Variants in H4C12 observed in about 807,000 individuals in gnomAD.
The protein encoded by H4C12 is H4 clustered histone 12.
A neutral mutation model predicts 4.2 loss-of-function variants in H4C12; 3 were observed. The observed-to-expected ratio is 0.72, with a 90% confidence interval of 0.33 to 1.86. The LOEUF is 1.86. Ranked by LOEUF, H4C12 falls within the 40% of genes most tolerant of loss-of-function variation. H4C12 has a pLI of 0.08. For synonymous variants in H4C12, 71 were observed against 65.0 expected (o/e 1.09, Z -0.44); for missense variants, 81 against 154.6 (o/e 0.52, Z 2.52).
rs759052091 is a variant in H4C12, at chr6:27,831,192, C to A, written c.*24G>T. On this transcript the variant is annotated 3_prime_UTR_variant, in exon 1 of 1. Coordinates refer to ENST00000611927, the MANE Select transcript of H4C12 (RefSeq NM_003541.3). ...GAGAAAGTGGGGGCCCTAAAAAGGG[C>A]CTTTTGTTGATAGAAAGGGACGCTC... 8 of 1,604,154 alleles carry A rather than the reference C, an allele frequency of 5.0e-6. No individual in the cohort carries two copies. Among genetic ancestry groups the A allele is most frequent in the African/African-American group, 4.0e-5 (3 of 74,338 alleles).
rs767991401 is a variant in H4C12, at chr6:27,831,441, G to A, written c.87C>T (p.Gly29=). ...GGCGCCGGATGGCCGGCTTGGTGAT[G>A]CCCTGGATATTGTCGCGCAGTACTT... ...HRKVLRDNIQ[G]ITKPAIRRLA... The change falls in exon 1 of 1, where the codon GGC becomes GGT. Residue 29 remains glycine (G), a synonymous_variant. Coordinates refer to ENST00000611927, the MANE Select transcript of H4C12 (RefSeq NM_003541.3). 1.6e-5 allele frequency: 25 copies of A among 1,563,806 alleles called. No homozygotes were observed. The highest frequency in any genetic ancestry group is 3.6e-5 in the South Asian group (3 of 83,908).
rs1049315447 is a variant in H4C12, at chr6:27,831,222, A to C, written c.306T>G (p.Gly102=). ...KRQGRTLYGF[G]G ...TGTTGATAGAAAGGGACGCTCAACC[A>C]CCGAAACCGTAGAGGGTGCGGCCCT... is the stretch of plus-strand genomic sequence containing the variant. The change falls in exon 1 of 1, where the codon GGT becomes GGG. Residue 102 remains glycine, a synonymous_variant. Coordinates refer to ENST00000611927, the MANE Select transcript of H4C12 (RefSeq NM_003541.3). 8.7e-6 allele frequency: 14 copies of C among 1,602,350 alleles called. No individual in the cohort carries two copies. The highest frequency in any genetic ancestry group is 1.2e-5 in the Non-Finnish European group (14 of 1,175,498).
At position 27,831,220 on chromosome 6, in the gene H4C12, C is replaced by G; in HGVS notation, c.308G>C (p.Gly103Ala). Reference sequence around the variant, plus strand: ...TTTGTTGATAGAAAGGGACGCTCAACCACCGAAACCGTAGAGGGTGCGGCC... The same window carrying G: ...TTTGTTGATAGAAAGGGACGCTCAAGCACCGAAACCGTAGAGGGTGCGGCC... ...RQGRTLYGFG[G>A] Residue 103 changes from glycine (G) to alanine (A), a missense_variant, in exon 1 of 1, where the codon GGT becomes GCT. Transcript: ENST00000611927. The G allele has an allele frequency of 6.2e-7, 1 of 1,603,358 alleles. No homozygotes were observed. Among genetic ancestry groups the G allele is most frequent in the Non-Finnish European group, 8.5e-7 (1 of 1,175,754 alleles).
chr6:27,831,480 A>T lies in H4C12; in HGVS notation c.48T>A (p.Ala16=), dbSNP rs41269273. 64,041 of 1,526,882 alleles carry T rather than the reference A, an allele frequency of 0.042. 1,248 individuals are homozygous for T. Among genetic ancestry groups the T allele is most frequent in the South Asian group, 0.075 (5,678 of 75,556 alleles). 94.6% of individuals were successfully genotyped at this position (1,526,882 alleles called of 1,614,324 possible). Reference sequence around the variant, plus strand: ...CGCGCAGTACTTTACGGTGGCGCTTAGCGCCGCCTTTGCCAAGACCCTTCC... The same window carrying T: ...CGCGCAGTACTTTACGGTGGCGCTTTGCGCCGCCTTTGCCAAGACCCTTCC... The part of the protein sequence containing the change: ...KGGKGLGKGG[A]KRHRKVLRDN... Residue 16 remains alanine, a synonymous_variant, in exon 1 of 1, where the codon GCT becomes GCA. Transcript: ENST00000611927.
chr6:27,831,209 G>C lies in H4C12; in HGVS notation c.*7C>G. On this transcript the variant is annotated 3_prime_UTR_variant, in exon 1 of 1. Transcript: ENST00000611927. The stretch of plus-strand genomic sequence containing the variant: ...AAAAAGGGCCTTTTGTTGATAGAAA[G>C]GGACGCTCAACCACCGAAACCGTAG... The C allele has an allele frequency of 6.2e-7, 1 of 1,600,406 alleles. No homozygotes were observed. The highest frequency in any genetic ancestry group is 8.5e-7 in the Non-Finnish European group (1 of 1,173,864).
At position 27,831,447 on chromosome 6, in the gene H4C12, G is replaced by C; in HGVS notation, c.81C>G (p.Ile27Met). 1.9e-6 allele frequency: 3 copies of C among 1,550,420 alleles called. No homozygotes were observed. The highest frequency in any genetic ancestry group is 2.6e-6 in the Non-Finnish European group (3 of 1,150,180). Residue 27 changes from isoleucine (I) to methionine (M), a missense_variant, in exon 1 of 1, where the codon ATC becomes ATG. Transcript: ENST00000611927. ...KRHRKVLRDN[I>M]QGITKPAIRR... ...GGATGGCCGGCTTGGTGATGCCCTG[G>C]ATATTGTCGCGCAGTACTTTACGGT...
chr6:27,831,209 G>A lies in H4C12; in HGVS notation c.*7C>T, dbSNP rs559653191. On this transcript the variant is annotated 3_prime_UTR_variant, in exon 1 of 1. Transcript: ENST00000611927. ...AAAAAGGGCCTTTTGTTGATAGAAAGGGACGCTCAACCACCGAAACCGTAG... is the reference window on the plus strand; with the variant it reads ...AAAAAGGGCCTTTTGTTGATAGAAAAGGACGCTCAACCACCGAAACCGTAG... The A allele has an allele frequency of 1.6e-4, 259 of 1,600,368 alleles. 7 individuals are homozygous for A. The South Asian group carries it at 1.7e-3, about 11-fold the overall frequency.
rs1211985435 is a variant in H4C12, at chr6:27,831,187, A to C, written c.*29T>G. The C allele has an allele frequency of 2.5e-6, 4 of 1,596,954 alleles. No individual in the cohort carries two copies. Among genetic ancestry groups the C allele is most frequent in the Non-Finnish European group, 3.4e-6 (4 of 1,171,976 alleles). On this transcript the variant is annotated 3_prime_UTR_variant, in exon 1 of 1. Coordinates refer to ENST00000611927, the MANE Select transcript of H4C12 (RefSeq NM_003541.3). ...CAGCTGAGAAAGTGGGGGCCCTAAA[A>C]AGGGCCTTTTGTTGATAGAAAGGGA...
Sources: allele counts gnomAD v4.1 joint callset, GRCh38; gene constraint gnomAD v4.1.1; transcripts MANE v1.5; gene names NCBI Gene and HGNC (gene_info 2026-07-23, HGNC 2026-07-21).